The following CLEC4F variants were observed in gnomAD, a reference collection of about 807,000 sequenced individuals.
CLEC4F encodes the protein C-type lectin domain family 4 member F.
Under a neutral mutation model 53.4 loss-of-function variants are expected in CLEC4F, and 45 were observed. The ratio of observed to expected loss-of-function variants is 0.84; its 90% confidence interval spans 0.66 to 1.08. The LOEUF (loss-of-function observed/expected upper bound fraction) is 1.08. Among genes scored for constraint, CLEC4F ranks in the 50% least tolerant of loss-of-function variants. The pLI is 0.00. For synonymous variants in CLEC4F, 245 were observed against 257.5 expected (o/e 0.95, Z 0.46); for missense variants, 753 against 698.2 (o/e 1.08, Z -0.88).
chr2:70,810,424 G>T (rs1230748228), intron 5 of CLEC4F, among the ~76,000 whole-genome samples: 1 of 151,896 alleles, frequency 6.6e-6, no homozygotes, highest in Non-Finnish European at 1.5e-5. Flanking sequence ...TTCGAGACCA[G>T]CTTGGCCAGC....
chr2:70,820,686 C>T (rs1428406661), upstream of CLEC4F: 13 of 652,200 alleles, frequency 2.0e-5, no homozygotes, highest in Admixed American at 9.3e-5. Context: ...TGCAGAAACC[C>T]GCCCCAGTGG....
chr2:70,810,778 A>C (rs782060183), intron 5 of CLEC4F: 4 of 493,390 alleles, frequency 8.1e-6, no homozygotes, highest in Non-Finnish European at 1.6e-5. Context: ...TGATCAGTAC[A>C]TTTTCCCATT....
chr2:70,816,455 CT>C lies in CLEC4F; in HGVS notation c.925del (p.Ser309ValfsTer12). ...GATCTCAGCACTAGTGTTGTCAAAA[CT>C]GCTTTTTATAAAGGCCTGGGTCTGG... is the stretch of plus-strand genomic sequence containing the variant. Reference protein sequence around the residue: ...NSQTQAFIKSSFDNTSAEIQF... With the variant: ...NSQTQAFIKSXFDNTSAEIQF... On this transcript the variant is annotated frameshift_variant, in exon 4 of 7. Transcript: ENST00000272367. LOFTEE classifies it high-confidence loss of function. 6.2e-7 allele frequency: 1 copy of C among 1,614,112 alleles called. No homozygotes were observed. The highest frequency in any genetic ancestry group is 2.2e-5 in the East Asian group (1 of 44,874).
chr2:70,821,987 G>A (rs554620205), upstream of CLEC4F, among the ~76,000 whole-genome samples: 138 of 152,116 alleles, frequency 9.1e-4, 1 homozygote, highest in Non-Finnish European at 1.7e-3. Context: ...TGGAACTCCT[G>A]GCTTCAAGTG....
chr2:70,812,009 C>T (rs903920026), intron 5 of CLEC4F, among the ~76,000 whole-genome samples: 3 of 152,128 alleles, frequency 2.0e-5, no homozygotes, highest in South Asian at 2.1e-4. Context: ...GTGGGAGGAT[C>T]GCTTGAGCAA....
Position 70,817,045 on chromosome 2 carries a change from C to A in CLEC4F, c.336G>T (p.Glu112Asp), listed in dbSNP as rs1255927021. Reference protein sequence around the residue: ...ELIQTFKGHMENSSAWVVEIQ... With the variant: ...ELIQTFKGHMDNSSAWVVEIQ... Reference sequence around the variant, plus strand: ...TTTCTACTACCCAGGCACTGGAATTCTCCATGTGGCCTTTAAATGTCTGGA... The same window carrying A: ...TTTCTACTACCCAGGCACTGGAATTATCCATGTGGCCTTTAAATGTCTGGA... The change falls in exon 4 of 7, where the codon GAG (glutamate) becomes GAT (aspartate). Residue 112 changes from glutamate to aspartate, a missense_variant. Transcript: ENST00000272367. 2 of 1,614,056 alleles carry A rather than the reference C, an allele frequency of 1.2e-6. No individual in the cohort carries two copies. The highest frequency in any genetic ancestry group is 1.3e-5 in the African/African-American group (1 of 75,064).
In CLEC4F at chr2:70,819,370, G is replaced by A. The variant is rs1553397228; in HGVS notation, c.253C>T (p.Pro85Ser). ...GGCTACTCACTGTTGGGTTCAAAAG[G>A]TAAATGCCCAGTAATGTTGTCTCCC... is the stretch of plus-strand genomic sequence containing the variant. ...ILGDNITGHL[P>S]FEPNNHHHFG... is the part of the protein sequence containing the mutation. Residue 85 changes from proline (P) to serine (S), a missense_variant, in exon 3 of 7, where the codon CCT (proline) becomes TCT (serine). By Grantham distance (74) the Pro-to-Ser change is moderately conservative. Transcript: ENST00000272367. The A allele has an allele frequency of 1.9e-6, 3 of 1,614,112 alleles. No individual in the cohort carries two copies. The highest frequency in any genetic ancestry group is 1.3e-5 in the African/African-American group (1 of 75,032).
At chr2:70,822,158 C>A (rs1265965684), upstream of CLEC4F, among the ~76,000 whole-genome samples, 1 of 152,126 alleles carries the variant, frequency 6.6e-6, no homozygotes, top group Non-Finnish European at 1.5e-5. Context: ...TGAGGCCTTA[C>A]CCTGTGAGAT....
At chr2:70,815,208 G>T (rs1022176110) in intron 4 of CLEC4F, among the ~76,000 whole-genome samples, 5 of 152,094 alleles carry the variant, frequency 3.3e-5, no homozygotes, top group Non-Finnish European at 5.9e-5. Context: ...TCATGATTTT[G>T]TGTCTCCATG....
Position 70,810,750 on chromosome 2 carries a change from T to C in CLEC4F, c.1540-893A>G, listed in dbSNP as rs115384036. The C allele has an allele frequency of 3.4e-3, 1,559 of 463,322 alleles. 27 individuals carry two copies. The highest frequency in any genetic ancestry group is 0.028 in the African/African-American group (1,404 of 49,436). 28.7% of individuals were successfully genotyped at this position (463,322 alleles called of 1,614,324 possible). On this transcript the variant is annotated intron_variant, in intron 5 of 6. Coordinates refer to ENST00000272367, the MANE Select transcript of CLEC4F (RefSeq NM_173535.3). ...TGTCTAAAATGATATATACAGTACG[T>C]AATTAATGTTAATTATGTGATCAGT... is the stretch of plus-strand genomic sequence containing the variant.
Position 70,809,381 on chromosome 2 carries a change from G to A in CLEC4F, c.1660C>T (p.Pro554Ser). 6.2e-7 allele frequency: 1 copy of A among 1,606,632 alleles called. No homozygotes were observed. The highest frequency in any genetic ancestry group is 1.1e-5 in the South Asian group (1 of 90,192). The part of the protein sequence containing the change: ...TPFNAAQNKA[P>S]GSKGSCPLRK... ...AGTGGGCAGGATCCCTTGGAACCAGGCCTGAGTAGGGCAGGGGGAAAAAAA... is the reference window on the plus strand; with the variant it reads ...AGTGGGCAGGATCCCTTGGAACCAGACCTGAGTAGGGCAGGGGGAAAAAAA... The change falls in exon 7 of 7, where the codon CCT becomes TCT. Residue 554 changes from proline to serine, a missense_variant and splice_region_variant. Physicochemically the swap from Pro to Ser is moderately conservative, Grantham distance 74. Coordinates refer to ENST00000272367, the MANE Select transcript of CLEC4F (RefSeq NM_173535.3).
At chr2:70,813,593 CTTTCTCTT>C (rs1676707615) in intron 4 of CLEC4F, among the ~76,000 whole-genome samples, 4 of 114,740 alleles carry the variant, frequency 3.5e-5, no homozygotes, top group South Asian at 6.1e-4. Context: ...CTCTCTCTTT[CTTTCTCTT>C]TCTTTCTTTC....
upstream of CLEC4F, among the ~76,000 whole-genome samples, chr2:70,823,408 A>T (rs541533233): frequency 1.6e-4 from 24 of 152,258 alleles, no homozygotes; most frequent in African/African-American, 5.5e-4. Context: ...GGTGGCTGAA[A>T]AGAAAGGGCT....
At chr2:70,822,562 C>A (rs184050401), upstream of CLEC4F, among the ~76,000 whole-genome samples, 1 of 152,176 alleles carries the variant, frequency 6.6e-6, no homozygotes, top group African/African-American at 2.4e-5. Context: ...ACAGGGGTTA[C>A]CAGCTGAACA....
chr2:70,819,426 G>A lies in CLEC4F; in HGVS notation c.197C>T (p.Pro66Leu). The A allele has an allele frequency of 6.2e-7, 1 of 1,614,160 alleles. No homozygotes were observed. The highest frequency in any genetic ancestry group is 8.5e-7 in the Non-Finnish European group (1 of 1,180,028). ...LFVVVQQQTR[P>L]VPKPVQAVIL... The stretch of plus-strand genomic sequence containing the variant: ...TACGGCTTGCACAGGCTTCGGAACA[G>A]GTCTTGTCTGCTGTTGAACTGAGAC... The change falls in exon 3 of 7, where the codon CCT (proline) becomes CTT (leucine). Residue 66 changes from proline (P) to leucine (L), a missense_variant. Coordinates refer to ENST00000272367, the MANE Select transcript of CLEC4F (RefSeq NM_173535.3).
intron 3 of CLEC4F, 127 bp from the exon 4 acceptor site, chr2:70,817,239 C>G (rs1553396674): frequency 6.1e-6 from 6 of 989,904 alleles, no homozygotes; most frequent in Non-Finnish European, 2.9e-6. Flanking sequence ...AGTGCTCCCC[C>G]AAGCACCCTC....
At chr2:70,809,551 C>T (rs537793034) in intron 6 of CLEC4F, among the ~76,000 whole-genome samples, 169 bp from the exon 7 acceptor site, 8 of 152,224 alleles carry the variant, frequency 5.3e-5, no homozygotes, top group Non-Finnish European at 8.8e-5. Context: ...ACATACACCT[C>T]GCACACCACA....
chr2:70,817,899 G>A (rs971015439), intron 3 of CLEC4F, among the ~76,000 whole-genome samples: 4 of 152,286 alleles, frequency 2.6e-5, no homozygotes, highest in South Asian at 2.1e-4. Context: ...CGCTGGGGTC[G>A]TTGAAGGAGA....
At chr2:70,821,539 A>C (rs1380353904), upstream of CLEC4F, among the ~76,000 whole-genome samples, 1 of 152,180 alleles carries the variant, frequency 6.6e-6, no homozygotes, top group African/African-American at 2.4e-5. Flanking sequence ...GGAGGGTGTC[A>C]TGCCCTGACT....
Sources: allele counts gnomAD v4.1 joint callset (sites outside exome capture counted in the v4.1 genomes callset), GRCh38; gene constraint gnomAD v4.1.1; transcripts MANE v1.5; gene names NCBI Gene and HGNC (gene_info 2026-07-23, HGNC 2026-07-21).